Variants in ALPK1 observed in about 807,000 individuals in gnomAD.
ALPK1 encodes alpha-protein kinase 1.
ALPK1 carries 110 observed loss-of-function variants against 120.6 expected under a neutral mutation model. The observed-to-expected ratio is 0.91, with a 90% CI of 0.78 to 1.07. ALPK1 has a LOEUF of 1.07. Ranked by LOEUF, ALPK1 falls within the 50% of genes least tolerant of loss-of-function variation. The probability of loss-of-function intolerance (pLI) is 0.00; values close to 1 mark genes in which losing one functional copy is unlikely to be tolerated. For missense variants in ALPK1, 1,498 were observed against 1,483.9 expected (o/e 1.01, Z -0.16); for synonymous variants, 582 against 560.3 (o/e 1.04, Z -0.55).
chr4:112,430,758 T>C lies in ALPK1; in HGVS notation c.1211T>C (p.Leu404Pro), dbSNP rs149078253. The C allele has an allele frequency of 2.5e-6, 4 of 1,614,244 alleles. No individual in the cohort carries two copies. Among genetic ancestry groups the C allele is most frequent in the East Asian group, 2.2e-5 (1 of 44,888 alleles). The change falls in exon 11 of 16, where the codon CTG (leucine) becomes CCG (proline). Residue 404 changes from leucine to proline, a missense_variant. Coordinates refer to ENST00000650871, the MANE Select transcript of ALPK1 (RefSeq NM_025144.4). ...TSSRSQDREA[L>P]SQEVMSVIAQ... ...TCCAGAAGTCAGGACAGAGAAGCTC[T>C]GTCTCAAGAAGTTATGTCTGTGATT...
Position 112,431,272 on chromosome 4 carries a change from T to C in ALPK1, c.1725T>C (p.Ser575=). ...GEGAVFNKSL[S]GSQTSSAWSN... ...GAGCTGTTTTCAACAAGTCTCTGAG[T>C]GGCAGCCAGACTTCCAGTGCTTGGA... The change falls in exon 11 of 16, where the codon AGT becomes AGC. Residue 575 remains serine, a synonymous_variant. Coordinates refer to ENST00000650871, the MANE Select transcript of ALPK1 (RefSeq NM_025144.4). 1 of 1,614,140 alleles carries C rather than the reference T, an allele frequency of 6.2e-7. No homozygotes were observed. Among genetic ancestry groups the C allele is most frequent in the Non-Finnish European group, 8.5e-7 (1 of 1,180,022 alleles).
chr4:112,392,436 T>A (rs1432199537), intron 4 of ALPK1, among the ~76,000 whole-genome samples: 1 of 152,242 alleles, frequency 6.6e-6, no homozygotes, highest in Non-Finnish European at 1.5e-5. Context: ...CTACTGTAAC[T>A]ATTCTGGTTC....
rs758278222 is a variant in ALPK1 at position 112,435,298 on chromosome 4, G to A, written c.3185G>A (p.Gly1062Glu). 3.7e-6 allele frequency: 6 copies of A among 1,607,984 alleles called. No homozygotes were observed. In the South Asian group the frequency reaches 5.6e-5, roughly 15 times the overall value. ...VHHLHQEEIL[G>E]RYVGKDYKEQ... is the part of the protein sequence containing the mutation. ...CATCTTCATCAAGAAGAAATTCTGG[G>A]GAGGTATTACTTAAAAACATTTGTA... The change falls in exon 12 of 16, where the codon GGG becomes GAG. Residue 1062 changes from glycine to glutamate, a missense_variant. Gly to Glu is a moderately conservative substitution (Grantham distance 98). Coordinates refer to ENST00000650871, the MANE Select transcript of ALPK1 (RefSeq NM_025144.4).
In ALPK1 at chr4:112,426,495, A is replaced by G. The variant is rs1207905906; in HGVS notation, c.651A>G (p.Ile217Met). Reference sequence around the variant, plus strand: ...TGTGGTACGAAGCAGCAGAGTTAATATGGGCCTCCATTGTAGGATATTTGG... The same window carrying G: ...TGTGGTACGAAGCAGCAGAGTTAATGTGGGCCTCCATTGTAGGATATTTGG... ...LGMWYEAAEL[I>M]WASIVGYLAL... The change falls in exon 8 of 16, where the codon ATA (isoleucine) becomes ATG (methionine). Residue 217 changes from isoleucine (I) to methionine (M), a missense_variant. Ile to Met is a conservative substitution (Grantham distance 10). Transcript: ENST00000650871. 1.9e-6 allele frequency: 3 copies of G among 1,600,022 alleles called. No homozygotes were observed. The highest frequency in any genetic ancestry group is 2.6e-6 in the Non-Finnish European group (3 of 1,174,910).
chr4:112,436,985 C>T (rs1289301898), intron 12 of ALPK1, among the ~76,000 whole-genome samples: 1 of 152,018 alleles, frequency 6.6e-6, no homozygotes, highest in African/African-American at 2.4e-5. Flanking sequence ...TGCCAAAATA[C>T]ACTAATCTTG....
At chr4:112,359,808 G>A in intron 2 of ALPK1, 2 of 415,562 alleles carry the variant, frequency 4.8e-6, no homozygotes, top group Non-Finnish European at 9.5e-6. Flanking sequence ...CTTCTGGCCA[G>A]AGCCCCAGTG....
chr4:112,351,568 G>A (rs1730359014), intron 2 of ALPK1, among the ~76,000 whole-genome samples: 1 of 151,806 alleles, frequency 6.6e-6, no homozygotes, highest in African/African-American at 2.4e-5. Flanking sequence ...CTGCCTCCCG[G>A]GTCCAAGCAA....
intron 2 of ALPK1, among the ~76,000 whole-genome samples, chr4:112,371,333 C>A (rs1361269692): frequency 6.6e-6 from 1 of 152,166 alleles, no homozygotes; most frequent in South Asian, 2.1e-4. Flanking sequence ...AGTTTCCTAG[C>A]ACTCTTAAGG....
At chr4:112,373,818 T>C (rs527351745) in intron 2 of ALPK1, among the ~76,000 whole-genome samples, 1 of 152,346 alleles carries the variant, frequency 6.6e-6, no homozygotes, top group South Asian at 2.1e-4. Flanking sequence ...CATACTATAG[T>C]CTAGTAAGTG....
At chr4:112,426,225 A>T (rs537647898) in intron 7 of ALPK1, 1 of 275,322 alleles carries the variant, frequency 3.6e-6, no homozygotes, top group Non-Finnish European at 6.7e-6. Context: ...AGATAACTAC[A>T]TATATTACAC....
intron 1 of ALPK1, among the ~76,000 whole-genome samples, chr4:112,315,450 G>A (rs1254937707): frequency 6.6e-6 from 1 of 152,158 alleles, no homozygotes; most frequent in Non-Finnish European, 1.5e-5. Context: ...CTGATGTTGA[G>A]TTTTCTCTCC....
rs767554894 is a variant in ALPK1 at position 112,427,567 on chromosome 4, C to A, written c.700-3C>A. On this transcript the variant is annotated splice_region_variant and splice_polypyrimidine_tract_variant and intron_variant, in intron 8 of 15. Coordinates refer to ENST00000650871, the MANE Select transcript of ALPK1 (RefSeq NM_025144.4). ...CTGTGACTTCTTTGTGTTTTTCTTA[C>A]AGGGCCTCTCCACGTCGCTAGGTAT... The A allele has an allele frequency of 2.5e-6, 4 of 1,611,732 alleles. No individual in the cohort carries two copies. In the African/African-American group the frequency reaches 5.3e-5, roughly 22 times the overall value.
rs1939183889 is a variant in ALPK1 at position 112,356,547 on chromosome 4, T to TCCCGGGAGCAGCTGTGCA, written c.-100-21130_-100-21113dup. 23 of 830,032 alleles carry TCCCGGGAGCAGCTGTGCA rather than the reference T, an allele frequency of 2.8e-5. No homozygotes were observed. In the East Asian group the frequency reaches 6.5e-4, roughly 24 times the overall value. 51.4% of individuals were successfully genotyped at this position (830,032 alleles called of 1,614,324 possible). A position where few individuals can be genotyped will look rare whatever the true frequency, so the allele number is the denominator to read the frequency against. Reference sequence around the variant, plus strand: ...CCGGCCTGAGGTGTGTGTGCTGGGCTCCCGGGAGCAGCTGTGCATCCACCC... The same window carrying TCCCGGGAGCAGCTGTGCA: ...CCGGCCTGAGGTGTGTGTGCTGGGCTCCCGGGAGCAGCTGTGCACCCGGGAGCAGCTGTGCATCCACCC... On this transcript the variant is annotated intron_variant, in intron 2 of 15. Coordinates refer to ENST00000650871, the MANE Select transcript of ALPK1 (RefSeq NM_025144.4).
chr4:112,354,502 A>G (rs1353467964), intron 2 of ALPK1, among the ~76,000 whole-genome samples: 1 of 152,138 alleles, frequency 6.6e-6, no homozygotes, highest in East Asian at 1.9e-4. Flanking sequence ...GTCTTACTCT[A>G]TCAGCCAGGG....
At chr4:112,412,350 C>G in intron 5 of ALPK1, 1 of 517,870 alleles carries the variant, frequency 1.9e-6, no homozygotes, top group South Asian at 1.5e-5. Flanking sequence ...TACTTCTGAC[C>G]AAGAGTCTTT....
At chr4:112,317,395 T>C (rs79979893) in intron 2 of ALPK1, among the ~76,000 whole-genome samples, 1,883 of 152,286 alleles carry the variant, frequency 0.012, 41 homozygotes, top group African/African-American at 0.043. Context: ...CTTTGGTCCA[T>C]TATGAGTTAA....
Position 112,432,192 on chromosome 4 carries a change from G to A in ALPK1, c.2645G>A (p.Gly882Asp). Residue 882 changes from glycine (G) to aspartate (D), a missense_variant, in exon 11 of 16, where the codon GGT becomes GAT. By Grantham distance (94) the Gly-to-Asp change is moderately conservative (BLOSUM62 -1). Transcript: ENST00000650871. ...CTGTGCATTCTGAGACAGCCGCCTG[G>A]TCAGAGGGCGGAGACCCCCAATTCC... is the stretch of plus-strand genomic sequence containing the variant. ...HRLCILRQPPGQRAETPNSSV... is the reference protein window; with the variant it reads ...HRLCILRQPPDQRAETPNSSV... The A allele has an allele frequency of 6.2e-7, 1 of 1,614,210 alleles. No individual in the cohort carries two copies. Among genetic ancestry groups the A allele is most frequent in the African/African-American group, 1.3e-5 (1 of 75,062 alleles).
chr4:112,368,312 C>T (rs1272212472), intron 2 of ALPK1, among the ~76,000 whole-genome samples: 2 of 152,010 alleles, frequency 1.3e-5, no homozygotes, highest in Admixed American at 1.3e-4. Context: ...TCTTAATCTG[C>T]TTATGCTTTC....
chr4:112,356,353 G>T (rs1730611617), intron 2 of ALPK1: 2 of 851,224 alleles, frequency 2.3e-6, no homozygotes, highest in South Asian at 1.3e-5. Flanking sequence ...TTGCCGATAG[G>T]GTGCAAGGGG....
Sources: allele counts gnomAD v4.1 joint callset (sites outside exome capture counted in the v4.1 genomes callset), GRCh38; gene constraint gnomAD v4.1.1; transcripts MANE v1.5; gene names NCBI Gene and HGNC (gene_info 2026-07-23, HGNC 2026-07-21).